CNTNAP2: variants seen among roughly 807,000 people sequenced by gnomAD.
The protein encoded by CNTNAP2 is contactin-associated protein-like 2.
In CNTNAP2, 98 loss-of-function variants were observed where a neutral mutation model predicts 155.2. The ratio of observed to expected loss-of-function variants is 0.63; its 90% CI spans 0.54 to 0.75. The LOEUF is 0.75. Ranked by LOEUF, CNTNAP2 falls within the 30% of genes least tolerant of loss-of-function variation. The probability of loss-of-function intolerance (pLI) is 0.00; values close to 1 mark genes in which losing one functional copy is unlikely to be tolerated. For synonymous variants in CNTNAP2, 651 were observed against 631.2 expected (o/e 1.03, Z -0.47); for missense variants, 1,727 against 1,688.1 (o/e 1.02, Z -0.40).
chr7:146,573,282 A>G (rs553463574), intron 1 of CNTNAP2, among the ~76,000 whole-genome samples: 8 of 152,176 alleles, frequency 5.3e-5, no homozygotes, highest in South Asian at 2.1e-4. Flanking sequence ...AGCTGGGACT[A>G]CCAGTGCACG....
At chr7:147,297,321 A>C (rs1794847829) in intron 8 of CNTNAP2, among the ~76,000 whole-genome samples, 1 of 115,610 alleles carries the variant, frequency 8.6e-6, no homozygotes, top group African/African-American at 3.5e-5. Context: ...TTTTAACTTT[A>C]GGGTTTTTTT....
At chr7:148,385,647 T>C (rs560332607) in intron 22 of CNTNAP2, among the ~76,000 whole-genome samples, 61 of 152,166 alleles carry the variant, frequency 4.0e-4, no homozygotes, top group Admixed American at 7.2e-4. Context: ...AATTAGGAAC[T>C]TGTTTGTTAA....
chr7:148,238,404 C>T (rs1402193138), intron 20 of CNTNAP2, among the ~76,000 whole-genome samples: 3 of 152,196 alleles, frequency 2.0e-5, no homozygotes, highest in Admixed American at 2.0e-4. Flanking sequence ...GAGACATGAT[C>T]TTCTCTAGAA....
chr7:146,913,295 AT>A (rs968891429), intron 3 of CNTNAP2, among the ~76,000 whole-genome samples: 2 of 152,154 alleles, frequency 1.3e-5, no homozygotes, highest in African/African-American at 4.8e-5. Flanking sequence ...AGGCTGCAAC[AT>A]TGGTGCCTTC....
At chr7:147,256,337 C>G (rs1030331806) in intron 8 of CNTNAP2, among the ~76,000 whole-genome samples, 1 of 151,932 alleles carries the variant, frequency 6.6e-6, no homozygotes, top group African/African-American at 2.4e-5. Flanking sequence ...AAAAGCCTAC[C>G]GAAGGGGTGT....
intron 1 of CNTNAP2, among the ~76,000 whole-genome samples, chr7:146,432,824 A>G (rs1796190870): frequency 6.6e-6 from 1 of 152,154 alleles, no homozygotes; most frequent in South Asian, 2.1e-4. Flanking sequence ...GTGTTGATGC[A>G]TTGGTCTCAT....
rs1294487217 is a variant in CNTNAP2, at chr7:148,417,106, G to T, written c.*1490G>T. The T allele has an allele frequency of 2.6e-5, 4 of 152,232 alleles. No homozygotes were observed. The highest frequency in any genetic ancestry group is 4.4e-5 in the Non-Finnish European group (3 of 68,002). The allele number at this position is 152,232 out of a possible 1,614,324, so 9.4% of individuals were successfully genotyped here. A position where few individuals can be genotyped will look rare whatever the true frequency, so the allele number is the denominator to read the frequency against. On this transcript the variant is annotated 3_prime_UTR_variant, in exon 24 of 24. Transcript: ENST00000361727. ...ATAAGCACTTTCTAAAAAGTCTTGAGATCCCACCATTCTGAGGAATTCAAT... is the reference window on the plus strand; with the variant it reads ...ATAAGCACTTTCTAAAAAGTCTTGATATCCCACCATTCTGAGGAATTCAAT...
chr7:146,939,973 G>A (rs1322004597), intron 3 of CNTNAP2, among the ~76,000 whole-genome samples: 1 of 152,080 alleles, frequency 6.6e-6, no homozygotes, highest in Non-Finnish European at 1.5e-5. Context: ...AATGCTTACA[G>A]CAGAATTTAA....
intron 13 of CNTNAP2, among the ~76,000 whole-genome samples, chr7:147,720,425 T>A (rs958164168): frequency 1.3e-5 from 2 of 152,136 alleles, no homozygotes; most frequent in Non-Finnish European, 2.9e-5. Context: ...AAGTGTGGGA[T>A]CACGTTAAAC....
chr7:147,135,189 T>C (rs1313814909), intron 8 of CNTNAP2, among the ~76,000 whole-genome samples: 2 of 151,922 alleles, frequency 1.3e-5, no homozygotes, highest in Non-Finnish European at 2.9e-5. Context: ...TATCTTTCTT[T>C]CCAAGTTGTG....
chr7:147,091,730 C>T (rs1238511910), intron 4 of CNTNAP2, among the ~76,000 whole-genome samples: 1 of 152,018 alleles, frequency 6.6e-6, no homozygotes, highest in East Asian at 1.9e-4. Flanking sequence ...CTCAGCGTCC[C>T]GGGTAGCTGG....
chr7:148,095,582 C>G (rs1485884913), intron 15 of CNTNAP2, among the ~76,000 whole-genome samples: 1 of 152,194 alleles, frequency 6.6e-6, no homozygotes, highest in African/African-American at 2.4e-5. Context: ...TTGGAAATAG[C>G]TAGGGTTATG....
intron 1 of CNTNAP2, among the ~76,000 whole-genome samples, chr7:146,726,136 T>G (rs535079779): frequency 1.3e-5 from 2 of 150,946 alleles, no homozygotes; most frequent in South Asian, 4.1e-4. Context: ...GGCATCTTTT[T>G]TAACATTTAA....
At chr7:147,839,764 A>G (rs947589190) in intron 13 of CNTNAP2, among the ~76,000 whole-genome samples, 1 of 152,180 alleles carries the variant, frequency 6.6e-6, no homozygotes, top group Admixed American at 6.5e-5. Flanking sequence ...AAAAGAAATC[A>G]TTATATAAAA....
chr7:147,124,876 C>CTTTTTTTTTTTTTTTTTTTTTTTTTTTTT (rs371912854), intron 6 of CNTNAP2, among the ~76,000 whole-genome samples: 1 of 80,070 alleles, frequency 1.2e-5, no homozygotes. Context: ...CCTTTTTTTC[C>CTTTTTTTTTTTTTTTTTTTTTTTTTTTTT]TTTTTTTTTT....
chr7:147,559,873 A>C (rs1800025788), intron 11 of CNTNAP2, among the ~76,000 whole-genome samples: 1 of 151,980 alleles, frequency 6.6e-6, no homozygotes. Context: ...CTTAAAAAAA[A>C]AAAAAAAACA....
At chr7:147,016,737 C>T (rs1798729977) in intron 3 of CNTNAP2, among the ~76,000 whole-genome samples, 1 of 151,970 alleles carries the variant, frequency 6.6e-6, no homozygotes, top group Admixed American at 6.6e-5. Context: ...GTGAATAAGG[C>T]ACAAAATAGT....
chr7:146,197,757 T>C (rs1798797402), intron 1 of CNTNAP2, among the ~76,000 whole-genome samples: 1 of 152,108 alleles, frequency 6.6e-6, no homozygotes, highest in African/African-American at 2.4e-5. Context: ...TATAAACCAG[T>C]TTTTCAAGCT....
intron 2 of CNTNAP2, among the ~76,000 whole-genome samples, chr7:146,780,239 G>A (rs570502041): frequency 6.6e-6 from 1 of 151,972 alleles, no homozygotes; most frequent in South Asian, 2.1e-4. Flanking sequence ...AGGCTGGAGT[G>A]CAGTGGTGCG....
Sources: allele counts gnomAD v4.1 joint callset (sites outside exome capture counted in the v4.1 genomes callset), GRCh38; gene constraint gnomAD v4.1.1; transcripts MANE v1.5; gene names NCBI Gene and HGNC (gene_info 2026-07-23, HGNC 2026-07-21).